Variants in SNX25 observed in about 807,000 individuals in gnomAD.
SNX25 encodes sorting nexin 25, also known as sorting nexin-25.
Under a neutral mutation model 113.7 loss-of-function variants are expected in SNX25, and 62 were observed. The observed-to-expected ratio is 0.55, with a 90% CI of 0.44 to 0.67. The LOEUF (loss-of-function observed/expected upper bound fraction) is 0.67, where lower values mean the gene tolerates loss of function less well. SNX25 is among the 30% of genes least tolerant of loss of function. The pLI is 0.00. For synonymous variants in SNX25, 421 were observed against 436.2 expected, an observed-to-expected ratio of 0.97 and a Z score of 0.43; for missense variants, 1,014 against 1,161.0, an observed-to-expected ratio of 0.87 and a Z score of 1.84.
intron 14 of SNX25, among the ~76,000 whole-genome samples, chr4:185,352,587 T>C (rs2095321343): frequency 6.6e-6 from 1 of 152,184 alleles, no homozygotes; most frequent in Non-Finnish European, 1.5e-5. Flanking sequence ...ACTCAGTCAC[T>C]CTATGAAGTG....
At chr4:185,277,619 A>G (rs1197006545) in intron 5 of SNX25, among the ~76,000 whole-genome samples, 1 of 152,164 alleles carries the variant, frequency 6.6e-6, no homozygotes. Context: ...AGTATTTCCA[A>G]AATACTGACA....
At chr4:185,326,099 C>G (rs1042235894) in intron 9 of SNX25, among the ~76,000 whole-genome samples, 1 of 152,168 alleles carries the variant, frequency 6.6e-6, no homozygotes, top group Non-Finnish European at 1.5e-5. Flanking sequence ...TAGAGAGAAA[C>G]AAGTATGCTC....
the SNX25 span, chr4:185,377,030 A>C: frequency 6.4e-7 from 1 of 1,558,706 alleles, no homozygotes; most frequent in East Asian, 2.2e-5. Flanking sequence ...TGATTTTAAA[A>C]AGGTAAGGAA....
At chr4:185,338,980 A>C (rs1374574620) in intron 10 of SNX25, among the ~76,000 whole-genome samples, 3 of 152,064 alleles carry the variant, frequency 2.0e-5, no homozygotes, top group African/African-American at 7.2e-5. Context: ...TTTTAGAATG[A>C]ATTTTTTTTT....
chr4:185,271,034 G>A (rs1748851002), intron 5 of SNX25, among the ~76,000 whole-genome samples: 1 of 152,308 alleles, frequency 6.6e-6, no homozygotes, highest in African/African-American at 2.4e-5. Flanking sequence ...AAAATAAAAT[G>A]TTGCAGTTCC....
chr4:185,354,005 C>T (rs2095328001), intron 15 of SNX25, among the ~76,000 whole-genome samples: 1 of 150,330 alleles, frequency 6.7e-6, no homozygotes, highest in Non-Finnish European at 1.5e-5. Flanking sequence ...GATCGCACCA[C>T]TGCACTCCAG....
In SNX25 at chr4:185,363,531, T is replaced by C; in HGVS notation, c.*66T>C. On this transcript the variant is annotated 3_prime_UTR_variant, in exon 19 of 19. Transcript: ENST00000652585. The surrounding 1 kb of genome is among the most constrained non-coding windows in gnomAD (Gnocchi z 4.2). ...ATAGACATGAAACATTTTCCTCTTT[T>C]CCACAGAGGGCTTAACTGAGAACCG... 6.9e-7 allele frequency: 1 copy of C among 1,447,386 alleles called. No individual in the cohort carries two copies. Among genetic ancestry groups the C allele is most frequent in the Non-Finnish European group, 9.7e-7 (1 of 1,029,698 alleles). 89.7% of individuals were successfully genotyped at this position (1,447,386 alleles called of 1,614,324 possible).
upstream of SNX25, among the ~76,000 whole-genome samples, chr4:185,207,285 C>T (rs868798674): frequency 4.5e-5 from 6 of 132,340 alleles, no homozygotes; most frequent in Non-Finnish European, 6.1e-5. Context: ...GGTGCGATCT[C>T]GGCTCACTGC....
chr4:185,229,025 A>G (rs1161797150), intron 1 of SNX25, among the ~76,000 whole-genome samples: 1 of 152,146 alleles, frequency 6.6e-6, no homozygotes, highest in African/African-American at 2.4e-5. Context: ...CAGCATCGCA[A>G]AGGTACGTGG....
chr4:185,269,646 T>G (rs1319625669), intron 5 of SNX25, among the ~76,000 whole-genome samples: 1 of 152,206 alleles, frequency 6.6e-6, no homozygotes, highest in East Asian at 1.9e-4. Flanking sequence ...TTCTATTTTG[T>G]GTGCCAAACT....
At chr4:185,237,009 G>A (rs1326484134) in intron 1 of SNX25, among the ~76,000 whole-genome samples, 1 of 152,196 alleles carries the variant, frequency 6.6e-6, no homozygotes, top group Non-Finnish European at 1.5e-5. Flanking sequence ...TGCTGTTTAT[G>A]TAATTGGAAA....
intron 1 of SNX25, among the ~76,000 whole-genome samples, chr4:185,222,245 CGCGGTAGGTAT>C (rs758150058): frequency 0.65 from 97,294 of 150,432 alleles, 31,700 homozygotes; most frequent in East Asian, 0.73. Context: ...ACCCCTCCTT[CGCGGTAGGTAT>C]ACAGCACCAT....
intron 1 of SNX25, among the ~76,000 whole-genome samples, chr4:185,211,960 AG>A (rs1374877855): frequency 6.6e-6 from 1 of 152,182 alleles, no homozygotes; most frequent in Non-Finnish European, 1.5e-5. Flanking sequence ...AAGATTGTTT[AG>A]TAGAGGAGTT....
chr4:185,377,255 C>T, the SNX25 span: 4 of 436,906 alleles, frequency 9.2e-6, no homozygotes, highest in South Asian at 3.0e-5. Flanking sequence ...CGGTGGCTCA[C>T]GCCTGTAAAT....
intron 5 of SNX25, among the ~76,000 whole-genome samples, chr4:185,273,001 C>T (rs1749170483): frequency 6.6e-6 from 1 of 152,118 alleles, no homozygotes; most frequent in East Asian, 1.9e-4. Flanking sequence ...CACTGAATGC[C>T]AGTGGTATTC....
downstream of SNX25, chr4:185,367,303 CTT>C (rs138875428): frequency 3.2e-3 from 3,531 of 1,094,978 alleles, no homozygotes; most frequent in Admixed American, 5.5e-3. Context: ...GGTCTTTCTT[CTT>C]TTTTTTTTTT....
chr4:185,241,814 T>G (rs1744101660), intron 1 of SNX25, among the ~76,000 whole-genome samples: 1 of 152,148 alleles, frequency 6.6e-6, no homozygotes. Flanking sequence ...GGAAGATGAT[T>G]GTCAGGAAGA....
intron 5 of SNX25, among the ~76,000 whole-genome samples, chr4:185,276,738 A>C (rs986090166): frequency 6.6e-6 from 1 of 152,190 alleles, no homozygotes; most frequent in Non-Finnish European, 1.5e-5. Flanking sequence ...GCAATGCTGG[A>C]CCAGAATAAG....
chr4:185,260,250 A>T (rs1747101478), intron 3 of SNX25, among the ~76,000 whole-genome samples: 1 of 152,170 alleles, frequency 6.6e-6, no homozygotes, highest in Admixed American at 6.5e-5. Context: ...CAATGGTTTG[A>T]AAACATTATG....
Sources: gnomAD v4.1 joint callset for allele counts (sites outside exome capture counted in the v4.1 genomes callset) on GRCh38, gnomAD v4.1.1 for gene constraint, Gnocchi (gnomAD v3.1) non-coding constraint, MANE v1.5 for transcripts, NCBI Gene and HGNC (gene_info 2026-07-23, HGNC 2026-07-21) for gene names.